POU2F1: variants seen among roughly 807,000 people sequenced by gnomAD.
POU2F1 encodes POU class 2 homeobox 1.
A neutral mutation model predicts 84.9 loss-of-function variants in POU2F1; 16 were observed. The ratio of observed to expected loss-of-function variants is 0.19; its 90% confidence interval spans 0.13 to 0.29. The LOEUF (loss-of-function observed/expected upper bound fraction) is 0.29. POU2F1 is among the 10% of genes least tolerant of loss of function. The pLI is 1.00. For synonymous variants in POU2F1, 368 were observed against 368.3 expected, an observed-to-expected ratio of 1.00 and a Z score of 0.01; for missense variants, 738 against 942.6, an observed-to-expected ratio of 0.78 and a Z score of 2.84.
intron 8 of POU2F1, among the ~76,000 whole-genome samples, chr1:167,384,746 A>T (rs550799728): frequency 2.0e-4 from 30 of 152,222 alleles, no homozygotes; most frequent in South Asian, 8.3e-4. Flanking sequence ...AAAAACCAAC[A>T]TCATACTTCA....
At chr1:167,402,520 C>G (rs1194359191) in intron 13 of POU2F1, among the ~76,000 whole-genome samples, 3 of 152,022 alleles carry the variant, frequency 2.0e-5, no homozygotes, top group Admixed American at 6.6e-5. Flanking sequence ...ACTTCTTGAC[C>G]TCTTCTGGAT....
chr1:167,368,007 A>G (rs924895702), intron 3 of POU2F1, among the ~76,000 whole-genome samples: 1 of 152,198 alleles, frequency 6.6e-6, no homozygotes, highest in Non-Finnish European at 1.5e-5. Context: ...TCCTAAAAAC[A>G]GCATTCTCTT....
chr1:167,298,604 G>GT (rs1020899613), intron 1 of POU2F1, among the ~76,000 whole-genome samples: 3 of 151,340 alleles, frequency 2.0e-5, no homozygotes, highest in Non-Finnish European at 4.4e-5. Context: ...TTTGTATTTC[G>GT]TTTTTTTTAA....
At chr1:167,239,142 T>C (rs1649721454) in intron 1 of POU2F1, among the ~76,000 whole-genome samples, 1 of 152,226 alleles carries the variant, frequency 6.6e-6, no homozygotes, top group Admixed American at 6.5e-5. Flanking sequence ...ACCAAAAATG[T>C]CAGTTTCAGT....
chr1:167,401,353 G>T (rs1373574128), intron 12 of POU2F1, 98 bp from the exon 13 acceptor site: 4 of 697,884 alleles, frequency 5.7e-6, no homozygotes, highest in African/African-American at 3.6e-5. Context: ...AGGATGTCAG[G>T]TGTCTCAATT....
chr1:167,277,234 G>A (rs1053464512), intron 1 of POU2F1, among the ~76,000 whole-genome samples: 4 of 151,642 alleles, frequency 2.6e-5, no homozygotes, highest in African/African-American at 9.7e-5. Flanking sequence ...TTTTTGTTTT[G>A]TTTTGTTTTT....
intron 2 of POU2F1, among the ~76,000 whole-genome samples, chr1:167,346,787 C>A (rs1027404351): frequency 2.0e-5 from 3 of 152,134 alleles, no homozygotes; most frequent in Non-Finnish European, 4.4e-5. Context: ...GAGTTGGGGA[C>A]CCCTGCTATA....
intron 13 of POU2F1, among the ~76,000 whole-genome samples, chr1:167,406,526 G>C (rs1315623897): frequency 6.6e-6 from 1 of 152,208 alleles, no homozygotes; most frequent in African/African-American, 2.4e-5. Context: ...ATAGCCTCCA[G>C]TAAGGGGGAG....
At chr1:167,327,398 C>A (rs1446078368) in intron 1 of POU2F1, among the ~76,000 whole-genome samples, 4 of 152,182 alleles carry the variant, frequency 2.6e-5, no homozygotes, top group Non-Finnish European at 5.9e-5. Flanking sequence ...CCCCCAAAGT[C>A]TCTCCTCATA....
intron 1 of POU2F1, among the ~76,000 whole-genome samples, chr1:167,228,018 C>T (rs565151183): frequency 2.5e-4 from 38 of 152,186 alleles, no homozygotes; most frequent in Non-Finnish European, 5.3e-4. Context: ...TAACTTTCTC[C>T]CACCTCCCAG....
At chr1:167,260,463 T>A (rs76354108) in intron 1 of POU2F1, among the ~76,000 whole-genome samples, 8 of 152,188 alleles carry the variant, frequency 5.3e-5, no homozygotes, top group African/African-American at 1.9e-4. Flanking sequence ...ATCTTCAGAT[T>A]CTCGTATGTT....
chr1:167,298,981 T>C (rs1654469562), intron 1 of POU2F1, among the ~76,000 whole-genome samples: 1 of 151,932 alleles, frequency 6.6e-6, no homozygotes, highest in African/African-American at 2.4e-5. Context: ...CTGACCAACA[T>C]GAGCAAACTC....
At position 167,412,125 on chromosome 1, in the gene POU2F1, T is replaced by G. The variant is rs781667747; in HGVS notation, c.1722T>G (p.Thr574=). ...SETSTTQTTS[T]PLSSPLGTSQ... is the part of the protein sequence containing the mutation. ...CCAGCACAACACAGACCACCTCCAC[T>G]CCTTTGTCCTCCCCTCTTGGGACCA... The change falls in exon 14 of 16, where the codon ACT becomes ACG. Residue 574 remains threonine (T), a synonymous_variant. Transcript: ENST00000367866. The G allele has an allele frequency of 6.2e-7, 1 of 1,614,054 alleles. No homozygotes were observed. Among genetic ancestry groups the G allele is most frequent in the Non-Finnish European group, 8.5e-7 (1 of 1,180,010 alleles).
intron 1 of POU2F1, among the ~76,000 whole-genome samples, chr1:167,325,183 A>G (rs977174793): frequency 1.3e-5 from 2 of 152,206 alleles, no homozygotes; most frequent in African/African-American, 4.8e-5. Context: ...TCTGTAAGTA[A>G]GTTAATAGGA....
intron 1 of POU2F1, among the ~76,000 whole-genome samples, chr1:167,306,041 G>T (rs961499237): frequency 2.0e-5 from 3 of 152,144 alleles, no homozygotes; most frequent in Admixed American, 6.5e-5. Flanking sequence ...CTTCCTTTTT[G>T]TTTGTTTGAA....
At chr1:167,406,726 A>G (rs1222195755) in intron 13 of POU2F1, among the ~76,000 whole-genome samples, 1 of 152,228 alleles carries the variant, frequency 6.6e-6, no homozygotes, top group Non-Finnish European at 1.5e-5. Context: ...CTATCAATGG[A>G]CAGTTCAAAA....
intron 2 of POU2F1, among the ~76,000 whole-genome samples, chr1:167,363,810 G>GCT (rs1659494442): frequency 6.6e-6 from 1 of 152,160 alleles, no homozygotes; most frequent in South Asian, 2.1e-4. Context: ...AACAAATAGG[G>GCT]CTCTGCTTCA....
chr1:167,288,902 T>C (rs900569454), intron 1 of POU2F1, among the ~76,000 whole-genome samples: 3 of 152,214 alleles, frequency 2.0e-5, no homozygotes, highest in Non-Finnish European at 4.4e-5. Flanking sequence ...TTTGAGAACC[T>C]GTGCTAATCT....
chr1:167,237,926 C>T (rs910325928), intron 1 of POU2F1, among the ~76,000 whole-genome samples: 8 of 151,064 alleles, frequency 5.3e-5, no homozygotes, highest in Admixed American at 3.3e-4. Context: ...ATTACAAGTG[C>T]GTGCCACCGC....
Sources: allele counts gnomAD v4.1 joint callset (sites outside exome capture counted in the v4.1 genomes callset), GRCh38; gene constraint gnomAD v4.1.1; transcripts MANE v1.5; gene names NCBI Gene and HGNC (gene_info 2026-07-23, HGNC 2026-07-21).